Variants in WDPCP observed in about 807,000 individuals in gnomAD.
WDPCP encodes WD repeat containing planar cell polarity effector, also known as WD repeat-containing and planar cell polarity effector protein fritz homolog.
A neutral mutation model predicts 93.1 loss-of-function variants in WDPCP; 71 were observed. The observed-to-expected ratio is 0.76, with a 90% CI of 0.63 to 0.93. WDPCP has a LOEUF of 0.93. Ranked by LOEUF, WDPCP falls within the 40% of genes least tolerant of loss-of-function variation. The pLI, the probability that WDPCP is intolerant of heterozygous loss-of-function variation, is 0.00. For synonymous variants in WDPCP, 315 were observed against 315.0 expected (o/e 1.00, Z 0.00); for missense variants, 844 against 887.4 (o/e 0.95, Z 0.62).
intron 1 of WDPCP, among the ~76,000 whole-genome samples, chr2:63,531,894 C>T (rs10166750): frequency 1.1e-3 from 161 of 152,102 alleles, no homozygotes; most frequent in Middle Eastern, 0.01. Flanking sequence ...CTCAGAAGAT[C>T]GGTAATAACA....
intron 10 of WDPCP, among the ~76,000 whole-genome samples, chr2:63,390,700 A>T (rs1387872722): frequency 6.6e-5 from 10 of 152,340 alleles, no homozygotes; most frequent in Non-Finnish European, 1.0e-4. Context: ...TGCAATAAAA[A>T]ATGATAAAGG....
intron 9 of WDPCP, among the ~76,000 whole-genome samples, chr2:63,413,036 G>A (rs764327748): frequency 9.9e-5 from 15 of 152,036 alleles, no homozygotes; most frequent in Non-Finnish European, 2.2e-4. Flanking sequence ...AAATTCATAT[G>A]GAACCAAAAA....
intron 1 of WDPCP, among the ~76,000 whole-genome samples, chr2:63,572,465 G>A (rs1707585239): frequency 6.6e-6 from 1 of 151,962 alleles, no homozygotes; most frequent in Non-Finnish European, 1.5e-5. Context: ...GACTTTGGGA[G>A]GCCAAGGTGG....
chr2:63,417,619 G>C (rs1051130624), intron 9 of WDPCP, among the ~76,000 whole-genome samples: 1 of 151,356 alleles, frequency 6.6e-6, no homozygotes, highest in South Asian at 2.1e-4. Context: ...TAAGCATATA[G>C]AGATAATAAA....
intron 13 of WDPCP, among the ~76,000 whole-genome samples, chr2:63,300,279 T>C (rs1685224472): frequency 1.3e-5 from 2 of 152,168 alleles, no homozygotes; most frequent in South Asian, 2.1e-4. Context: ...CCCCAGGGTT[T>C]ATAACCCAGA....
intron 3 of WDPCP, among the ~76,000 whole-genome samples, chr2:63,601,295 C>A (rs1285881452): frequency 6.6e-6 from 1 of 152,152 alleles, no homozygotes; most frequent in Non-Finnish European, 1.5e-5. Flanking sequence ...GGACTGGTTG[C>A]TAGATATTTT....
intron 1 of WDPCP, among the ~76,000 whole-genome samples, chr2:63,825,996 T>C (rs1333422593): frequency 6.6e-6 from 1 of 152,112 alleles, no homozygotes; most frequent in Non-Finnish European, 1.5e-5. Context: ...TTATCTTTTT[T>C]TAAAAAAATT....
intron 9 of WDPCP, among the ~76,000 whole-genome samples, chr2:63,406,579 G>C (rs1694606603): frequency 6.6e-6 from 1 of 152,162 alleles, no homozygotes; most frequent in Non-Finnish European, 1.5e-5. Context: ...ACGATTTTAT[G>C]TAACCAAAGT....
intron 13 of WDPCP, among the ~76,000 whole-genome samples, chr2:63,293,947 A>C (rs1364647819): frequency 6.6e-6 from 1 of 152,230 alleles, no homozygotes; most frequent in Non-Finnish European, 1.5e-5. Context: ...AAATCTTAAA[A>C]GAAATAATGG....
At chr2:63,535,271 A>T (rs1198962864) in intron 1 of WDPCP, among the ~76,000 whole-genome samples, 1 of 152,258 alleles carries the variant, frequency 6.6e-6, no homozygotes, top group African/African-American at 2.4e-5. Context: ...AATATCGTGA[A>T]GATGGCCATA....
intron 15 of WDPCP, among the ~76,000 whole-genome samples, chr2:63,154,179 A>G (rs957183994): frequency 6.6e-6 from 1 of 152,016 alleles, no homozygotes; most frequent in East Asian, 1.9e-4. Flanking sequence ...TATATGTTAA[A>G]ACTGACTTTC....
chr2:63,507,285 G>A (rs1701942747), intron 1 of WDPCP, among the ~76,000 whole-genome samples: 1 of 151,954 alleles, frequency 6.6e-6, no homozygotes, highest in African/African-American at 2.4e-5. Flanking sequence ...ACATAAAAAG[G>A]ATCAGGGCAA....
At chr2:63,214,195 A>G (rs1047783573) in intron 14 of WDPCP, among the ~76,000 whole-genome samples, 1 of 152,160 alleles carries the variant, frequency 6.6e-6, no homozygotes, top group Admixed American at 6.5e-5. Flanking sequence ...ACCAATATCC[A>G]TGATGAACAT....
chr2:63,305,348 T>G (rs6729132), intron 13 of WDPCP, among the ~76,000 whole-genome samples: 121,686 of 151,916 alleles, frequency 0.8, 49,609 homozygotes, highest in East Asian at 0.96. Context: ...AGAGAGCTCC[T>G]GCTGGCATCT....
chr2:63,622,809 T>C lies in WDPCP; in HGVS notation n.488+27850A>G. The C allele has an allele frequency of 3.1e-6, 5 of 1,611,652 alleles. No individual in the cohort carries two copies. In the South Asian group the frequency reaches 5.5e-5, roughly 18 times the overall value. On this transcript the variant is annotated intron_variant and non_coding_transcript_variant, in intron 3 of 4. Coordinates refer to the WDPCP transcript ENST00000467687. The stretch of plus-strand genomic sequence containing the variant: ...GTCCCAGGAACTCCGGAGCACGCTC[T>C]GGCCCAGGAAATACTTAACCATCGT...
intron 6 of WDPCP, among the ~76,000 whole-genome samples, chr2:63,457,670 G>C (rs1237746031): frequency 1.3e-5 from 2 of 152,036 alleles, no homozygotes; most frequent in Non-Finnish European, 2.9e-5. Flanking sequence ...CAATAAACAT[G>C]ATACATCACA....
In WDPCP at chr2:63,722,680, C is replaced by T. The variant is rs1237022433; in HGVS notation, n.309-71842G>A. Among the ~76,000 whole-genome samples the T allele has an allele frequency of 3.4e-5, 5 of 146,034 alleles. No individual in the cohort carries two copies. The East Asian group carries it at 6.2e-4, about 18-fold the overall frequency. On this transcript the variant is annotated intron_variant and non_coding_transcript_variant, in intron 2 of 4. Transcript: ENST00000467687. ...GGTGGGGGGGGGTCAGCCCCCCGCC[C>T]GGCCAGCCGCCCCGTCCGGGAGGTG...
intron 6 of WDPCP, among the ~76,000 whole-genome samples, chr2:63,475,666 A>G (rs552370759): frequency 5.3e-5 from 8 of 152,284 alleles, no homozygotes; most frequent in African/African-American, 1.7e-4. Context: ...ATATTAAAAC[A>G]GGAATCAAAA....
intron 1 of WDPCP, among the ~76,000 whole-genome samples, chr2:63,576,007 T>C (rs1708087743): frequency 2.0e-5 from 3 of 152,272 alleles, no homozygotes; most frequent in East Asian, 1.9e-4. Context: ...TTTTATTTTT[T>C]CAATTAGACA....
Sources: gnomAD v4.1 joint callset for allele counts (sites outside exome capture counted in the v4.1 genomes callset) on GRCh38, gnomAD v4.1.1 for gene constraint, MANE v1.5 for transcripts, NCBI Gene and HGNC (gene_info 2026-07-23, HGNC 2026-07-21) for gene names.